GRID2: variants seen among roughly 807,000 people sequenced by gnomAD.
GRID2 encodes the protein glutamate ionotropic receptor delta type subunit 2.
In GRID2, 33 loss-of-function variants were observed where a neutral mutation model predicts 114.8. The ratio of observed to expected loss-of-function variants is 0.29; its 90% CI spans 0.22 to 0.38. The LOEUF (loss-of-function observed/expected upper bound fraction) is 0.38. Ranked by LOEUF, GRID2 falls within the 10% of genes least tolerant of loss-of-function variation. The probability of loss-of-function intolerance (pLI) is 1.00; values close to 1 mark genes in which losing one functional copy is unlikely to be tolerated. For synonymous variants in GRID2, 505 were observed against 449.9 expected, an observed-to-expected ratio of 1.12 and a Z score of -1.55; for missense variants, 1,184 against 1,257.7, an observed-to-expected ratio of 0.94 and a Z score of 0.89.
chr4:93,340,441 C>T (rs1344928274), intron 8 of GRID2, among the ~76,000 whole-genome samples: 2 of 151,870 alleles, frequency 1.3e-5, no homozygotes, highest in East Asian at 1.9e-4. Flanking sequence ...TTCAGATGTT[C>T]ATTTTAATCT....
intron 8 of GRID2, among the ~76,000 whole-genome samples, chr4:93,386,995 T>C (rs1022736391): frequency 2.0e-5 from 3 of 152,142 alleles, no homozygotes; most frequent in Non-Finnish European, 2.9e-5. Context: ...CAGCACATTG[T>C]CTGTGCAAGT....
chr4:93,057,311 A>G (rs1472548542), intron 2 of GRID2, among the ~76,000 whole-genome samples: 2 of 151,928 alleles, frequency 1.3e-5, no homozygotes, highest in Non-Finnish European at 2.9e-5. Context: ...TGTTTCAGTT[A>G]GTAAAGCTTT....
At chr4:93,246,051 C>G (rs1421517073) in intron 8 of GRID2, among the ~76,000 whole-genome samples, 1 of 152,100 alleles carries the variant, frequency 6.6e-6, no homozygotes. Context: ...TTTTTTGTTT[C>G]ATTTAATGTC....
chr4:92,584,001 T>C (rs922913891), intron 1 of GRID2, among the ~76,000 whole-genome samples: 14 of 151,600 alleles, frequency 9.2e-5, no homozygotes, highest in African/African-American at 3.4e-4. Context: ...GATACTATGC[T>C]AAGTGAAGAT....
chr4:92,683,461 AGTG>A (rs1399393207), intron 2 of GRID2, among the ~76,000 whole-genome samples: 1 of 152,174 alleles, frequency 6.6e-6, no homozygotes, highest in Non-Finnish European at 1.5e-5. Context: ...TATCAAGAGA[AGTG>A]GTGTTTTTGG....
At chr4:92,582,226 G>A (rs1163471333) in intron 1 of GRID2, among the ~76,000 whole-genome samples, 2 of 151,280 alleles carry the variant, frequency 1.3e-5, no homozygotes, top group Non-Finnish European at 2.9e-5. Flanking sequence ...ATATTTTATT[G>A]TCACTCTCTT....
At chr4:92,429,575 T>C (rs1029459330) in intron 1 of GRID2, among the ~76,000 whole-genome samples, 21 of 152,198 alleles carry the variant, frequency 1.4e-4, no homozygotes, top group African/African-American at 5.1e-4. Flanking sequence ...TGCAGATATC[T>C]CTTTGATATA....
rs371209786 is a variant in GRID2 at position 92,449,676 on chromosome 4, G to GATATATATATATATATATAT, written c.89-140439_89-140420dup. Among the ~76,000 whole-genome samples, 88 of 96,732 alleles carry GATATATATATATATATATAT rather than the reference G, an allele frequency of 9.1e-4. 1 individual carries two copies. The highest frequency in any genetic ancestry group is 1.3e-3 in the Non-Finnish European group (67 of 49,644). 63.5% of individuals were successfully genotyped at this position (96,732 alleles called of 152,430 possible). Reference sequence around the variant, plus strand: ...TCAAATATGTCTATCTTTTCTTACTGATATATATATATATATATATATATA... The same window carrying GATATATATATATATATATAT: ...TCAAATATGTCTATCTTTTCTTACTGATATATATATATATATATATATATATATATATATATATATATATA... On this transcript the variant is annotated intron_variant, in intron 1 of 15. Transcript: ENST00000282020.
At chr4:92,533,618 A>G (rs1725464793) in intron 1 of GRID2, among the ~76,000 whole-genome samples, 1 of 151,952 alleles carries the variant, frequency 6.6e-6, no homozygotes, top group African/African-American at 2.4e-5. Flanking sequence ...CCCTTTCTTT[A>G]TTTTTTTGTT....
intron 2 of GRID2, among the ~76,000 whole-genome samples, chr4:92,979,003 T>C (rs1754032193): frequency 6.6e-6 from 1 of 152,074 alleles, no homozygotes; most frequent in African/African-American, 2.4e-5. Flanking sequence ...CCCTGGTGGC[T>C]GAGAGAGACC....
At chr4:93,589,349 A>G (rs940537167) in intron 13 of GRID2, among the ~76,000 whole-genome samples, 2 of 151,630 alleles carry the variant, frequency 1.3e-5, no homozygotes, top group African/African-American at 2.4e-5. Flanking sequence ...GATGGTTTCC[A>G]ATTTCATCCA....
chr4:92,926,257 T>C (rs1171067737), intron 2 of GRID2, among the ~76,000 whole-genome samples: 2 of 152,026 alleles, frequency 1.3e-5, no homozygotes, highest in Non-Finnish European at 2.9e-5. Flanking sequence ...TTCTTGTTAA[T>C]GAATATTTTG....
chr4:92,665,474 C>T (rs1046031803), intron 2 of GRID2, among the ~76,000 whole-genome samples: 1 of 151,120 alleles, frequency 6.6e-6, no homozygotes, highest in South Asian at 2.1e-4. Flanking sequence ...ACCAAAGTTA[C>T]AATAATGCTA....
chr4:92,527,648 A>G (rs1383387915), intron 1 of GRID2, among the ~76,000 whole-genome samples: 5 of 152,034 alleles, frequency 3.3e-5, no homozygotes, highest in Admixed American at 2.6e-4. Flanking sequence ...GGCAAAGGTA[A>G]TAAGACAGAA....
At chr4:92,654,749 T>G (rs1732141445) in intron 2 of GRID2, among the ~76,000 whole-genome samples, 3 of 151,522 alleles carry the variant, frequency 2.0e-5, no homozygotes, top group African/African-American at 7.3e-5. Context: ...TCAAATGGAA[T>G]TTTAAAAAAA....
At chr4:93,450,188 A>G (rs747941203) in intron 10 of GRID2, among the ~76,000 whole-genome samples, 4 of 152,008 alleles carry the variant, frequency 2.6e-5, no homozygotes, top group South Asian at 2.1e-4. Context: ...ACAGAAAATC[A>G]TATCTTTGGA....
chr4:93,471,606 G>A (rs774286521), intron 11 of GRID2, among the ~76,000 whole-genome samples: 1 of 150,250 alleles, frequency 6.7e-6, no homozygotes, highest in Non-Finnish European at 1.5e-5. Context: ...ATTTTAGCTT[G>A]AAACAATTCT....
At chr4:92,790,885 G>T (rs1316287737) in intron 2 of GRID2, among the ~76,000 whole-genome samples, 1 of 151,690 alleles carries the variant, frequency 6.6e-6, no homozygotes, top group African/African-American at 2.4e-5. Flanking sequence ...GGCAAGCACC[G>T]GGGCACAGGA....
intron 2 of GRID2, among the ~76,000 whole-genome samples, chr4:92,824,802 T>A (rs1741569104): frequency 6.6e-6 from 1 of 152,138 alleles, no homozygotes; most frequent in South Asian, 2.1e-4. Flanking sequence ...CATTAAACTT[T>A]ACCTTTAGAT....
Sources: allele counts gnomAD v4.1 joint callset (sites outside exome capture counted in the v4.1 genomes callset), GRCh38; gene constraint gnomAD v4.1.1; transcripts MANE v1.5; gene names NCBI Gene and HGNC (gene_info 2026-07-23, HGNC 2026-07-21).